Variants in NRCAM observed in about 807,000 individuals in gnomAD.
NRCAM encodes the protein NgCAM-related cell adhesion molecule.
NRCAM carries 83 observed loss-of-function variants against 156.5 expected under a neutral mutation model. The observed-to-expected ratio is 0.53, with a 90% CI of 0.44 to 0.64. The LOEUF (loss-of-function observed/expected upper bound fraction) is 0.64, where lower values mean the gene tolerates loss of function less well. Among genes scored for constraint, NRCAM ranks in the 30% least tolerant of loss-of-function variants. The pLI is 0.00. For missense variants in NRCAM, 1,417 were observed against 1,597.3 expected (o/e 0.89, Z 1.92); for synonymous variants, 538 against 563.9 (o/e 0.95, Z 0.65).
At chr7:108,238,301 T>C (rs775031111) in intron 4 of NRCAM, among the ~76,000 whole-genome samples, 22 of 152,236 alleles carry the variant, frequency 1.4e-4, no homozygotes, top group Non-Finnish European at 2.4e-4. Flanking sequence ...AAGTCATTAA[T>C]TGAACTTTTT....
chr7:108,337,255 T>C (rs1177902688), intron 2 of NRCAM, among the ~76,000 whole-genome samples: 2 of 143,196 alleles, frequency 1.4e-5, no homozygotes, highest in Non-Finnish European at 3.1e-5. Flanking sequence ...AAAATGAGAC[T>C]TCATCTCAGA....
At chr7:108,354,092 A>C (rs1388999760) in intron 2 of NRCAM, among the ~76,000 whole-genome samples, 1 of 152,260 alleles carries the variant, frequency 6.6e-6, no homozygotes, top group Non-Finnish European at 1.5e-5. Flanking sequence ...CAGTTACCTT[A>C]GCCCTTAAGT....
chr7:108,211,302 A>G (rs1051128719), intron 11 of NRCAM, among the ~76,000 whole-genome samples: 1 of 152,154 alleles, frequency 6.6e-6, no homozygotes, highest in Non-Finnish European at 1.5e-5. Context: ...GAGGGCAGCC[A>G]GAGGTGTGGG....
At chr7:108,365,836 C>T (rs1050447145) in intron 2 of NRCAM, among the ~76,000 whole-genome samples, 1 of 151,674 alleles carries the variant, frequency 6.6e-6, no homozygotes, top group Non-Finnish European at 1.5e-5. Context: ...TTTTTGGGGC[C>T]CCAAATTGTG....
chr7:108,425,513 C>T (rs1816036915), intron 1 of NRCAM, among the ~76,000 whole-genome samples: 1 of 152,108 alleles, frequency 6.6e-6, no homozygotes. Context: ...CATAGTGTGT[C>T]CATTTTCCTC....
At chr7:108,445,326 T>G (rs187035729) in intron 1 of NRCAM, among the ~76,000 whole-genome samples, 62 of 152,344 alleles carry the variant, frequency 4.1e-4, no homozygotes, top group African/African-American at 1.4e-3. Flanking sequence ...TATCATTTTT[T>G]GGAGAGTAAG....
At chr7:108,432,842 C>A (rs1827145802) in intron 1 of NRCAM, among the ~76,000 whole-genome samples, 1 of 151,422 alleles carries the variant, frequency 6.6e-6, no homozygotes, top group Non-Finnish European at 1.5e-5. Context: ...GCAGAGGTTG[C>A]CGTAAGCACC....
chr7:108,246,387 C>T (rs532805648), intron 3 of NRCAM, among the ~76,000 whole-genome samples: 2 of 152,226 alleles, frequency 1.3e-5, no homozygotes, highest in South Asian at 4.2e-4. Flanking sequence ...GAGTGACCAA[C>T]TAAGTGGTAA....
chr7:108,262,597 C>G (rs2154001758), intron 3 of NRCAM, among the ~76,000 whole-genome samples: 1 of 152,270 alleles, frequency 6.6e-6, no homozygotes, highest in South Asian at 2.1e-4. Flanking sequence ...AAGTCTTGAG[C>G]ATCCTTTTAC....
chr7:108,453,658 C>A (rs1853125033), intron 1 of NRCAM, among the ~76,000 whole-genome samples: 1 of 152,162 alleles, frequency 6.6e-6, no homozygotes, highest in South Asian at 2.1e-4. Flanking sequence ...AAATGTTTAG[C>A]AACTTTCCTG....
chr7:108,406,792 AGTTT>A (rs913572292), intron 1 of NRCAM, among the ~76,000 whole-genome samples: 12 of 152,282 alleles, frequency 7.9e-5, no homozygotes, highest in African/African-American at 1.4e-4. Context: ...CTTGAGCAGG[AGTTT>A]GTTTATTTTG....
chr7:108,201,373 G>A (rs1372985520), intron 13 of NRCAM, among the ~76,000 whole-genome samples: 4 of 152,190 alleles, frequency 2.6e-5, no homozygotes, highest in South Asian at 2.1e-4. Context: ...GCTCTGGGCC[G>A]AATCTCTCTG....
intron 11 of NRCAM, among the ~76,000 whole-genome samples, chr7:108,222,819 G>A (rs1047206045): frequency 3.6e-4 from 55 of 152,084 alleles, no homozygotes; most frequent in African/African-American, 1.3e-3. Context: ...CAGCAGATGC[G>A]CCCATACCAA....
chr7:108,169,396 A>G (rs2057070069), intron 28 of NRCAM, among the ~76,000 whole-genome samples: 1 of 152,198 alleles, frequency 6.6e-6, no homozygotes, highest in African/African-American at 2.4e-5. Context: ...CATAAAATTT[A>G]CTAGGATAGT....
intron 2 of NRCAM, among the ~76,000 whole-genome samples, chr7:108,370,308 T>C (rs1008423607): frequency 2.0e-5 from 3 of 152,278 alleles, no homozygotes; most frequent in African/African-American, 7.2e-5. Context: ...CATTCTTGTA[T>C]ATTTGGAGGG....
At chr7:108,215,347 G>A (rs962314837) in intron 11 of NRCAM, among the ~76,000 whole-genome samples, 6 of 151,664 alleles carry the variant, frequency 4.0e-5, no homozygotes, top group Admixed American at 3.9e-4. Flanking sequence ...CAAGTAGCTG[G>A]GACTACAGGT....
chr7:108,182,192 A>G (rs4730294), intron 23 of NRCAM, among the ~76,000 whole-genome samples: 103,020 of 151,678 alleles, frequency 0.68, 37,063 homozygotes, highest in East Asian at 0.96. Context: ...ACCATCAGTG[A>G]GTAGGAAAAC....
intron 2 of NRCAM, among the ~76,000 whole-genome samples, chr7:108,380,398 G>A (rs1449529589): frequency 1.3e-5 from 2 of 152,096 alleles, no homozygotes; most frequent in South Asian, 4.1e-4. Context: ...GCTGCACCAT[G>A]TGCAGCTATT....
chr7:108,293,121 C>T (rs923362812), intron 3 of NRCAM, among the ~76,000 whole-genome samples: 4 of 152,138 alleles, frequency 2.6e-5, no homozygotes, highest in South Asian at 2.1e-4. Flanking sequence ...GAAAATCAAA[C>T]GGTGTGAATG....
Sources: gnomAD v4.1 joint callset for allele counts (sites outside exome capture counted in the v4.1 genomes callset) on GRCh38, gnomAD v4.1.1 for gene constraint, MANE v1.5 for transcripts, NCBI Gene and HGNC (gene_info 2026-07-23, HGNC 2026-07-21) for gene names.